Variants in GRIA4 observed in about 807,000 individuals in gnomAD.
GRIA4 encodes the protein glutamate ionotropic receptor AMPA type subunit 4, also known as glutamate receptor 4.
In GRIA4, 34 loss-of-function variants were observed where a neutral mutation model predicts 104.0. The observed-to-expected ratio is 0.33, with a 90% CI of 0.25 to 0.44. The LOEUF is 0.44. GRIA4 is among the 20% of genes least tolerant of loss of function. The pLI, the probability that GRIA4 is intolerant of heterozygous loss-of-function variation, is 1.00. For synonymous variants in GRIA4, 386 were observed against 381.9 expected, an observed-to-expected ratio of 1.01 and a Z score of -0.13; for missense variants, 750 against 1,096.5, an observed-to-expected ratio of 0.68 and a Z score of 4.46.
intron 4 of GRIA4, among the ~76,000 whole-genome samples, chr11:105,789,654 A>C (rs984765679): frequency 6.6e-6 from 1 of 152,094 alleles, no homozygotes; most frequent in African/African-American, 2.4e-5. Flanking sequence ...AAGTTATTAG[A>C]GTCAATCATA....
chr11:105,952,551 G>A (rs571359136), intron 14 of GRIA4, among the ~76,000 whole-genome samples: 1 of 152,222 alleles, frequency 6.6e-6, no homozygotes, highest in South Asian at 2.1e-4. Flanking sequence ...CTCCTTCAAG[G>A]AATAACATTC....
At chr11:105,636,223 T>G (rs76134504) in intron 3 of GRIA4, among the ~76,000 whole-genome samples, 3,644 of 152,314 alleles carry the variant, frequency 0.024, 82 homozygotes, top group African/African-American at 0.061. Context: ...TATAACATTT[T>G]CATGTTTATT....
intron 4 of GRIA4, among the ~76,000 whole-genome samples, chr11:105,763,954 G>T (rs1040720595): frequency 1.3e-5 from 2 of 152,132 alleles, no homozygotes; most frequent in African/African-American, 2.4e-5. Context: ...ACTTTAAAAA[G>T]ATTTGAACTA....
At chr11:105,678,859 G>T (rs1198078175) in intron 3 of GRIA4, among the ~76,000 whole-genome samples, 1 of 152,050 alleles carries the variant, frequency 6.6e-6, no homozygotes, top group Non-Finnish European at 1.5e-5. Context: ...AATATCTGAG[G>T]TTTTTCAGGA....
chr11:105,614,585 A>G (rs1203625138), intron 3 of GRIA4: 2 of 152,022 alleles, frequency 1.3e-5, no homozygotes, highest in East Asian at 1.9e-4. Flanking sequence ...GAATCCAAGA[A>G]TAATACAGTA....
intron 4 of GRIA4, among the ~76,000 whole-genome samples, chr11:105,772,855 G>A (rs991849149): frequency 6.6e-6 from 1 of 151,898 alleles, no homozygotes; most frequent in Non-Finnish European, 1.5e-5. Context: ...TGTAACTAAA[G>A]TACAGAAAGA....
rs114483245 is a variant in GRIA4, at chr11:105,650,845, A to G, written c.247+38411A>G. Among the ~76,000 whole-genome samples, 800 of 152,254 alleles carry G rather than the reference A, an allele frequency of 5.3e-3. 5 individuals carry two copies. The highest frequency in any genetic ancestry group is 0.018 in the African/African-American group (730 of 41,548). The stretch of plus-strand genomic sequence containing the variant: ...AATCTCAGATGAAGATTGTCTATAA[A>G]TATTCTCACTAAAATTAGACAACAC... On this transcript the variant is annotated intron_variant, in intron 3 of 16. Transcript: ENST00000282499.
At chr11:105,781,036 C>T (rs1448254058) in intron 4 of GRIA4, among the ~76,000 whole-genome samples, 1 of 152,166 alleles carries the variant, frequency 6.6e-6, no homozygotes, top group African/African-American at 2.4e-5. Context: ...GACTCAAGTT[C>T]GCACAGTGAA....
intron 7 of GRIA4, among the ~76,000 whole-genome samples, chr11:105,900,751 G>A (rs1429684129): frequency 3.3e-5 from 5 of 151,842 alleles, no homozygotes; most frequent in Non-Finnish European, 7.4e-5. Context: ...CACCACACCT[G>A]GCTAATCTTT....
chr11:105,787,387 G>T (rs931031932), intron 4 of GRIA4, among the ~76,000 whole-genome samples: 3 of 148,990 alleles, frequency 2.0e-5, no homozygotes, highest in Non-Finnish European at 3.0e-5. Flanking sequence ...ATAAGTCAGA[G>T]AATTTAAAGA....
intron 5 of GRIA4, among the ~76,000 whole-genome samples, chr11:105,863,170 A>G (rs1945288305): frequency 6.6e-6 from 1 of 152,214 alleles, no homozygotes; most frequent in Admixed American, 6.5e-5. Context: ...TGTAAGAATG[A>G]AAACCAAAAT....
At chr11:105,620,135 G>A (rs1950703926) in intron 3 of GRIA4, among the ~76,000 whole-genome samples, 1 of 151,786 alleles carries the variant, frequency 6.6e-6, no homozygotes, top group African/African-American at 2.4e-5. Flanking sequence ...GGTCATCAGT[G>A]ACTTACAAAT....
At chr11:105,801,368 G>A (rs1169172516) in intron 4 of GRIA4, among the ~76,000 whole-genome samples, 1 of 151,778 alleles carries the variant, frequency 6.6e-6, no homozygotes, top group Non-Finnish European at 1.5e-5. Context: ...AGGATTATAA[G>A]AATGTAGGTT....
chr11:105,683,762 T>G (rs947191787), intron 3 of GRIA4, among the ~76,000 whole-genome samples: 2 of 152,204 alleles, frequency 1.3e-5, no homozygotes, highest in Non-Finnish European at 2.9e-5. Flanking sequence ...AATGCAAGGT[T>G]GTTCACTACA....
At chr11:105,800,001 T>C (rs1423682853) in intron 4 of GRIA4, among the ~76,000 whole-genome samples, 1 of 151,884 alleles carries the variant, frequency 6.6e-6, no homozygotes, top group Non-Finnish European at 1.5e-5. Flanking sequence ...GGCAAAGGAG[T>C]TGAGGGTTTA....
chr11:105,875,592 C>G (rs2136063736), intron 5 of GRIA4, among the ~76,000 whole-genome samples: 2 of 152,200 alleles, frequency 1.3e-5, no homozygotes, highest in Middle Eastern at 6.8e-3. Flanking sequence ...AATTTCAGAA[C>G]TTGTTATTGG....
In GRIA4 at chr11:105,871,440, GT is replaced by G. The variant is rs946065772; in HGVS notation, c.672+9241del. The stretch of plus-strand genomic sequence containing the variant: ...GGTCAATCTAGTTTATTAGGGAGAG[GT>G]TTTTTTTTGTGTTTTATTTCTATAG... On this transcript the variant is annotated intron_variant, in intron 5 of 16. Transcript: ENST00000282499. 7.0e-3 allele frequency among the ~76,000 whole-genome samples: 1,044 copies of G among 148,664 alleles called. 6 individuals are homozygous for G. The highest frequency in any genetic ancestry group is 0.022 in the African/African-American group (884 of 40,640).
chr11:105,875,505 G>A (rs1163935352), intron 5 of GRIA4, among the ~76,000 whole-genome samples: 2 of 152,132 alleles, frequency 1.3e-5, no homozygotes, highest in Non-Finnish European at 2.9e-5. Flanking sequence ...ACTCCTGTTT[G>A]TACCTTTGGT....
intron 4 of GRIA4, among the ~76,000 whole-genome samples, chr11:105,822,318 C>G (rs1292448739): frequency 3.9e-5 from 6 of 151,950 alleles, no homozygotes. Context: ...GTTTCTTTTA[C>G]TCAAGACCTT....
Sources: gnomAD v4.1 joint callset for allele counts (sites outside exome capture counted in the v4.1 genomes callset) on GRCh38, gnomAD v4.1.1 for gene constraint, MANE v1.5 for transcripts, NCBI Gene and HGNC (gene_info 2026-07-23, HGNC 2026-07-21) for gene names.